The following KCNK13 variants were observed in gnomAD, a reference collection of about 807,000 sequenced individuals.
KCNK13 encodes the protein potassium channel subfamily K member 13.
In KCNK13, 12 loss-of-function variants were observed where a neutral mutation model predicts 23.4. The observed-to-expected ratio is 0.51, with a 90% CI of 0.33 to 0.83. The LOEUF (loss-of-function observed/expected upper bound fraction) is 0.83, where lower values mean the gene tolerates loss of function less well. Among genes scored for constraint, KCNK13 ranks in the 40% least tolerant of loss-of-function variants. The pLI, the probability that KCNK13 is intolerant of heterozygous loss-of-function variation, is 0.02. For synonymous variants in KCNK13, 231 were observed against 229.5 expected (o/e 1.01, Z -0.06); for missense variants, 463 against 556.3 (o/e 0.83, Z 1.69).
intron 1 of KCNK13, among the ~76,000 whole-genome samples, chr14:90,126,736 G>T (rs978591387): frequency 5.3e-5 from 8 of 152,068 alleles, no homozygotes; most frequent in Non-Finnish European, 7.3e-5. Flanking sequence ...TAGAGACTGG[G>T]TTTCGCCATT....
intron 1 of KCNK13, among the ~76,000 whole-genome samples, chr14:90,079,861 T>C (rs919763443): frequency 2.6e-5 from 4 of 152,190 alleles, no homozygotes; most frequent in African/African-American, 7.2e-5. Flanking sequence ...AGACACTTAA[T>C]GAGTGAGGTC....
chr14:90,085,425 G>A (rs934359521), intron 1 of KCNK13, among the ~76,000 whole-genome samples: 15 of 151,610 alleles, frequency 9.9e-5, no homozygotes, highest in Non-Finnish European at 2.2e-4. Flanking sequence ...TTGGGAGGCC[G>A]AGGCGAGTGG....
At position 90,062,335 on chromosome 14, in the gene KCNK13, G is replaced by C; in HGVS notation, c.130G>C (p.Ala44Pro). The C allele has an allele frequency of 6.4e-7, 1 of 1,554,724 alleles. No homozygotes were observed. Among genetic ancestry groups the C allele is most frequent in the Non-Finnish European group, 8.7e-7 (1 of 1,154,866 alleles). ...GAAVFSALEL[A>P]HERQAKQRWE... ...CGCCGTCTTCTCCGCGCTGGAGCTG[G>C]CGCACGAGCGCCAGGCCAAGCAGCG... The change falls in exon 1 of 2, where the codon GCG (alanine) becomes CCG (proline). Residue 44 changes from alanine to proline, a missense_variant. By Grantham distance (27) the Ala-to-Pro change is conservative. Transcript: ENST00000282146. The surrounding 1 kb of genome is among the most constrained non-coding windows in gnomAD (Gnocchi z 4.5).
chr14:90,084,420 G>C (rs1889248014), intron 1 of KCNK13, among the ~76,000 whole-genome samples: 2 of 152,094 alleles, frequency 1.3e-5, no homozygotes. Flanking sequence ...TGGTTTTCTT[G>C]ATTTTATTTT....
At chr14:90,117,919 A>G (rs550823641) in intron 1 of KCNK13, among the ~76,000 whole-genome samples, 13 of 152,326 alleles carry the variant, frequency 8.5e-5, no homozygotes, top group Admixed American at 7.8e-4. Flanking sequence ...CATTAAATGG[A>G]ATCCTTCAGT....
chr14:90,179,683 T>A (rs1430099262), intron 1 of KCNK13, among the ~76,000 whole-genome samples: 1 of 152,198 alleles, frequency 6.6e-6, no homozygotes, highest in Non-Finnish European at 1.5e-5. Context: ...ACCGATCAGA[T>A]AACTTCAGGC....
chr14:90,137,331 A>T (rs936665378), intron 1 of KCNK13, among the ~76,000 whole-genome samples: 25 of 150,664 alleles, frequency 1.7e-4, no homozygotes, highest in Admixed American at 1.6e-3. Context: ...ATTTTTATTT[A>T]TTTTTTTGAG....
rs114310308 is a variant in KCNK13 at position 90,076,785 on chromosome 14, C to T, written c.334+14246C>T. On this transcript the variant is annotated intron_variant, in intron 1 of 1. Transcript: ENST00000282146. ...TACTCTGTGAGCAGTTAATGTCTTG[C>T]TCAATTGTTTTTCTATTCTGGAGAT... Among the ~76,000 whole-genome samples, 389 of 152,258 alleles carry T rather than the reference C, an allele frequency of 2.6e-3. 3 individuals are homozygous for T. The highest frequency in any genetic ancestry group is 8.8e-3 in the African/African-American group (364 of 41,548).
intron 1 of KCNK13, among the ~76,000 whole-genome samples, chr14:90,126,859 G>C (rs1482218571): frequency 6.6e-6 from 1 of 152,016 alleles, no homozygotes; most frequent in Admixed American, 6.6e-5. Flanking sequence ...CTAATCATGA[G>C]AAAATATCAG....
At position 90,185,067 on chromosome 14, in the gene KCNK13, C is replaced by T. The variant is rs747089003; in HGVS notation, c.*64C>T. 43 of 1,387,088 alleles carry T rather than the reference C, an allele frequency of 3.1e-5. No individual in the cohort carries two copies. The highest frequency in any genetic ancestry group is 1.0e-4 in the African/African-American group (7 of 69,502). 85.9% of individuals were successfully genotyped at this position (1,387,088 alleles called of 1,614,324 possible). A position where few individuals can be genotyped will look rare whatever the true frequency, so the allele number is the denominator to read the frequency against. On this transcript the variant is annotated 3_prime_UTR_variant, in exon 2 of 2. Coordinates refer to ENST00000282146, the MANE Select transcript of KCNK13 (RefSeq NM_022054.4). ...TGGAGGATGATTGCCGCCCAGGGGA[C>T]GAGCTCAGCCCTGCGCCTTGGCTCT...
chr14:90,138,579 G>A (rs1889965409), intron 1 of KCNK13, among the ~76,000 whole-genome samples: 1 of 152,166 alleles, frequency 6.6e-6, no homozygotes, highest in Admixed American at 6.5e-5. Flanking sequence ...ATGGATAATT[G>A]AGAATTTATA....
intron 1 of KCNK13, among the ~76,000 whole-genome samples, chr14:90,086,250 A>G (rs1470395612): frequency 1.3e-5 from 2 of 152,276 alleles, no homozygotes; most frequent in Non-Finnish European, 1.5e-5. Flanking sequence ...AACATATACT[A>G]TATTTTTCCT....
At chr14:90,108,226 G>C (rs899925240) in intron 1 of KCNK13, among the ~76,000 whole-genome samples, 2 of 152,204 alleles carry the variant, frequency 1.3e-5, no homozygotes, top group Admixed American at 6.5e-5. Context: ...ATTGTGACAA[G>C]TTCTGGCCTA....
chr14:90,124,592 A>G (rs1183522025), intron 1 of KCNK13, among the ~76,000 whole-genome samples: 1 of 152,236 alleles, frequency 6.6e-6, no homozygotes, highest in Non-Finnish European at 1.5e-5. Flanking sequence ...CCACAAGGAA[A>G]CGGGGACCTC....
chr14:90,077,763 G>A (rs866555114), intron 1 of KCNK13, among the ~76,000 whole-genome samples: 2 of 152,148 alleles, frequency 1.3e-5, no homozygotes, highest in Non-Finnish European at 2.9e-5. Flanking sequence ...GTTATTGATA[G>A]TATCTTATTG....
chr14:90,139,338 T>C (rs74082633), intron 1 of KCNK13, among the ~76,000 whole-genome samples: 24,628 of 151,888 alleles, frequency 0.16, 2,287 homozygotes, highest in South Asian at 0.29. Flanking sequence ...GAATGAGGAA[T>C]CGGGGAAGAG....
chr14:90,107,929 T>G (rs1178808714), intron 1 of KCNK13: 2 of 747,552 alleles, frequency 2.7e-6, no homozygotes, highest in Admixed American at 3.5e-5. Flanking sequence ...GATGCAGTGA[T>G]CTAGTCACTA....
chr14:90,153,464 C>T (rs1017696274), intron 1 of KCNK13, among the ~76,000 whole-genome samples: 1 of 152,180 alleles, frequency 6.6e-6, no homozygotes, highest in Non-Finnish European at 1.5e-5. Flanking sequence ...GAGCCTGGAA[C>T]CCGGTACATG....
chr14:90,175,932 G>A (rs1275047402), intron 1 of KCNK13, among the ~76,000 whole-genome samples: 1 of 152,066 alleles, frequency 6.6e-6, no homozygotes, highest in Non-Finnish European at 1.5e-5. Context: ...GGTGTCTAGG[G>A]GATCCAGAGA....
Sources: gnomAD v4.1 joint callset for allele counts (sites outside exome capture counted in the v4.1 genomes callset) on GRCh38, gnomAD v4.1.1 for gene constraint, Gnocchi (gnomAD v3.1) non-coding constraint, MANE v1.5 for transcripts, NCBI Gene and HGNC (gene_info 2026-07-23, HGNC 2026-07-21) for gene names.